Variants in RELN observed in about 807,000 individuals in gnomAD.
The protein encoded by RELN is reelin.
Under a neutral mutation model 427.6 loss-of-function variants are expected in RELN, and 108 were observed. The ratio of observed to expected loss-of-function variants is 0.25; its 90% CI spans 0.22 to 0.30. The LOEUF is 0.30. Ranked by LOEUF, RELN falls within the 10% of genes least tolerant of loss-of-function variation. The pLI, the probability that RELN is intolerant of heterozygous loss-of-function variation, is 1.00. For synonymous variants in RELN, 1,524 were observed against 1,513.4 expected (o/e 1.01, Z -0.16); for missense variants, 3,715 against 4,302.8 (o/e 0.86, Z 3.82).
At chr7:103,755,769 C>T (rs1328969969) in intron 4 of RELN, among the ~76,000 whole-genome samples, 1 of 144,472 alleles carries the variant, frequency 6.9e-6, no homozygotes, top group Non-Finnish European at 1.5e-5. Flanking sequence ...GAGCTGATCG[C>T]ACAACCGCAC....
At chr7:103,654,041 T>G (rs1832976255) in intron 13 of RELN, 52 bp downstream of exon 13, 2 of 1,009,832 alleles carry the variant, frequency 2.0e-6, no homozygotes, top group Non-Finnish European at 1.6e-6. Context: ...GACTTGGGCT[T>G]GTCCAGGGTG....
intron 2 of RELN, among the ~76,000 whole-genome samples, chr7:103,848,633 G>C (rs1342883555): frequency 1.3e-5 from 2 of 152,170 alleles, no homozygotes; most frequent in Non-Finnish European, 2.9e-5. Flanking sequence ...GGCTGAGTCT[G>C]ATAGGTGTAA....
intron 6 of RELN, among the ~76,000 whole-genome samples, chr7:103,732,596 G>A (rs1446883511): frequency 6.6e-6 from 1 of 152,094 alleles, no homozygotes; most frequent in Non-Finnish European, 1.5e-5. Flanking sequence ...CTTCCAAGAA[G>A]AGAATAGTGA....
intron 6 of RELN, among the ~76,000 whole-genome samples, chr7:103,743,728 A>T (rs1368386711): frequency 6.6e-6 from 1 of 152,178 alleles, no homozygotes; most frequent in Non-Finnish European, 1.5e-5. Context: ...CTAAATATAT[A>T]TGCACCCAAT....
chr7:103,652,578 C>T lies in RELN; in HGVS notation c.1736G>A (p.Gly579Glu). ...SHMIQFSINLGCGTHQPGNSV... is the reference protein window; with the variant it reads ...SHMIQFSINLECGTHQPGNSV... The stretch of plus-strand genomic sequence containing the variant: ...GTTACCAGGCTGATGCGTTCCACAT[C>T]CCAGATTGATGGAAAACTGTATCAT... Residue 579 changes from glycine to glutamate, a missense_variant, in exon 14 of 65, where the codon GGA becomes GAA. Physicochemically the swap from Gly to Glu is moderately conservative, Grantham distance 98 (BLOSUM62 -2). This residue lies in a region of RELN where 2,208 missense variants were observed against 2,361.7 expected (regional missense o/e 0.93). Coordinates refer to ENST00000428762, the MANE Select transcript of RELN (RefSeq NM_005045.4). The T allele has an allele frequency of 6.2e-7, 1 of 1,612,720 alleles. No homozygotes were observed. Among genetic ancestry groups the T allele is most frequent in the Non-Finnish European group, 8.5e-7 (1 of 1,179,190 alleles).
At chr7:103,528,381 G>A (rs1304887573) in intron 46 of RELN, among the ~76,000 whole-genome samples, 2 of 152,164 alleles carry the variant, frequency 1.3e-5, no homozygotes, top group Non-Finnish European at 2.9e-5. Context: ...CCTAGGGCTG[G>A]GGTGAGGGGT....
chr7:103,957,512 C>T (rs1037743255), intron 1 of RELN, among the ~76,000 whole-genome samples: 1 of 152,138 alleles, frequency 6.6e-6, no homozygotes, highest in Non-Finnish European at 1.5e-5. Flanking sequence ...CCAGAGGTGA[C>T]TGGTTTGCCC....
intron 2 of RELN, among the ~76,000 whole-genome samples, chr7:103,908,521 T>G (rs988798457): frequency 1.3e-5 from 2 of 152,154 alleles, no homozygotes. Flanking sequence ...TGAGTTCACG[T>G]ACTGAGCCAC....
chr7:103,540,486 C>A, intron 43 of RELN, 31 bp from the exon 44 acceptor site: 1 of 1,610,404 alleles, frequency 6.2e-7, no homozygotes. Context: ...TGAAGACTTT[C>A]ACTTCCAAAA....
intron 1 of RELN, among the ~76,000 whole-genome samples, chr7:103,964,035 T>C (rs1796613855): frequency 6.6e-6 from 1 of 152,092 alleles, no homozygotes; most frequent in Admixed American, 6.6e-5. Context: ...GGCACACACC[T>C]GTAGTCCCAG....
chr7:103,956,633 G>A lies in RELN; in HGVS notation c.226+32498C>T, dbSNP rs753033773. Among the ~76,000 whole-genome samples the A allele has an allele frequency of 2.3e-4, 35 of 152,306 alleles. 1 individual carries two copies. The highest frequency in any genetic ancestry group is 3.4e-3 in the Middle Eastern group (1 of 294). On this transcript the variant is annotated intron_variant, in intron 1 of 64. Coordinates refer to ENST00000428762, the MANE Select transcript of RELN (RefSeq NM_005045.4). ...GTTTAAAAGGAGAAGATGTAAAAGT[G>A]TATAAGACTGAAAAATCGTGTTTAC...
intron 22 of RELN, among the ~76,000 whole-genome samples, chr7:103,607,704 T>C (rs752021496): frequency 1.1e-4 from 17 of 152,216 alleles, no homozygotes; most frequent in Non-Finnish European, 2.2e-4. Flanking sequence ...CATCTCTTCA[T>C]AGTTATGTTA....
At chr7:103,863,146 C>A (rs958818832) in intron 2 of RELN, among the ~76,000 whole-genome samples, 1 of 152,138 alleles carries the variant, frequency 6.6e-6, no homozygotes, top group African/African-American at 2.4e-5. Context: ...CAGCAATGAT[C>A]AGCTTGGCAA....
chr7:103,611,865 A>C, intron 20 of RELN, 62 bp from the exon 21 acceptor site: 1 of 1,325,156 alleles, frequency 7.5e-7, no homozygotes, highest in East Asian at 2.3e-5. Context: ...GAAAAATTAA[A>C]GTCTTCACTT....
At chr7:103,846,691 T>A (rs928263961) in intron 2 of RELN, among the ~76,000 whole-genome samples, 2 of 152,186 alleles carry the variant, frequency 1.3e-5, no homozygotes, top group Admixed American at 1.3e-4. Context: ...GACAAAGGGC[T>A]AATATCCAGA....
chr7:103,489,640 GC>G (rs1828580285), intron 60 of RELN, 101 bp downstream of exon 60: 7 of 1,337,360 alleles, frequency 5.2e-6, no homozygotes, highest in Non-Finnish European at 7.3e-6. Flanking sequence ...GATCCCTCAG[GC>G]TGGAGTTTCT....
rs1584352098 is a variant in RELN, at chr7:103,621,575, G to A, written c.2702+8365C>T. On this transcript the variant is annotated intron_variant, in intron 20 of 64. Coordinates refer to ENST00000428762, the MANE Select transcript of RELN (RefSeq NM_005045.4). ...AGAGGAAAGAGCTTGGCTTGTTGGTGTAGAGAGAAGGAAGTGCAGTGTGAC... is the reference window on the plus strand; with the variant it reads ...AGAGGAAAGAGCTTGGCTTGTTGGTATAGAGAGAAGGAAGTGCAGTGTGAC... Among the ~76,000 whole-genome samples the A allele has an allele frequency of 2.6e-5, 4 of 152,320 alleles. No homozygotes were observed. The East Asian group carries it at 5.8e-4, about 22-fold the overall frequency.
At chr7:103,855,314 T>A (rs1302199615) in intron 2 of RELN, among the ~76,000 whole-genome samples, 4 of 152,158 alleles carry the variant, frequency 2.6e-5, no homozygotes, top group Admixed American at 6.6e-5. Context: ...GAAAGGCAAG[T>A]GAAGTCAGAA....
At chr7:103,628,557 G>C (rs1350752549) in intron 20 of RELN, among the ~76,000 whole-genome samples, 1 of 152,174 alleles carries the variant, frequency 6.6e-6, no homozygotes, top group Non-Finnish European at 1.5e-5. Context: ...TTAGCCTGCT[G>C]TGTGTGAGAT....
Sources: allele counts gnomAD v4.1 joint callset (sites outside exome capture counted in the v4.1 genomes callset), GRCh38; gene constraint gnomAD v4.1.1; regional missense constraint gnomAD v4.1.1; transcripts MANE v1.5; gene names NCBI Gene and HGNC (gene_info 2026-07-23, HGNC 2026-07-21).